Variants in NRG3 observed in about 807,000 individuals in gnomAD.
NRG3 encodes the protein neuregulin 3, also known as pro-neuregulin-3, membrane-bound isoform.
Under a neutral mutation model 66.9 loss-of-function variants are expected in NRG3, and 31 were observed. The ratio of observed to expected loss-of-function variants is 0.46; its 90% CI spans 0.35 to 0.63. The LOEUF (loss-of-function observed/expected upper bound fraction) is 0.63, where lower values mean the gene tolerates loss of function less well. Ranked by LOEUF, NRG3 falls within the 20% of genes least tolerant of loss-of-function variation. The probability of loss-of-function intolerance (pLI) is 0.00; values close to 1 mark genes in which losing one functional copy is unlikely to be tolerated. For missense variants in NRG3, 910 were observed against 878.9 expected (o/e 1.04, Z -0.45); for synonymous variants, 393 against 359.4 (o/e 1.09, Z -1.06).
chr10:82,655,127 A>G (rs887833076), intron 2 of NRG3, among the ~76,000 whole-genome samples: 4 of 151,992 alleles, frequency 2.6e-5, no homozygotes, highest in African/African-American at 2.4e-5. Context: ...TAAATTCCAA[A>G]TGGATCAAGG....
intron 1 of NRG3, among the ~76,000 whole-genome samples, chr10:82,118,025 C>G (rs1300033334): frequency 6.6e-6 from 1 of 152,036 alleles, no homozygotes. Context: ...GCCGGTAGCA[C>G]CAACACAGCC....
Position 82,488,861 on chromosome 10 carries a change from G to GA in NRG3, c.953+130001dup, listed in dbSNP as rs566332374. ...ATACCATAGGGTCTCAAATATTTAG[G>GA]AAAAAAAATGTTTGGATTAAACCTT... On this transcript the variant is annotated intron_variant, in intron 2 of 8. Coordinates refer to ENST00000372141, the MANE Select transcript of NRG3 (RefSeq NM_001010848.4). Among the ~76,000 whole-genome samples, 57 of 151,758 alleles carry GA rather than the reference G, an allele frequency of 3.8e-4. 1 individual carries two copies. In the South Asian group the frequency reaches 0.011, roughly 29 times the overall value.
At chr10:81,877,684 A>G in intron 1 of NRG3, 2 of 1,298,338 alleles carry the variant, frequency 1.5e-6, no homozygotes, top group Non-Finnish European at 1.9e-6. Flanking sequence ...ATAAATTGGG[A>G]GACAGGAAGG....
rs186623500 is a variant in NRG3, at chr10:82,925,925, C to T, written c.1055-25544C>T. Among the ~76,000 whole-genome samples, 178 of 152,340 alleles carry T rather than the reference C, an allele frequency of 1.2e-3. 3 individuals carry two copies. The highest frequency in any genetic ancestry group is 4.0e-3 in the African/African-American group (167 of 41,586). On this transcript the variant is annotated intron_variant, in intron 4 of 8. Transcript: ENST00000372141. ...ACTAGCGATGGCAAGGCAAGCAGGGCAGGCTGCCATGCATTTTAGGGGATT... is the reference window on the plus strand; with the variant it reads ...ACTAGCGATGGCAAGGCAAGCAGGGTAGGCTGCCATGCATTTTAGGGGATT...
chr10:82,499,435 C>T (rs922895823), intron 2 of NRG3, among the ~76,000 whole-genome samples: 2 of 152,080 alleles, frequency 1.3e-5, no homozygotes, highest in Admixed American at 6.6e-5. Flanking sequence ...GCAATCTGCT[C>T]CTTCATTTCT....
intron 1 of NRG3, chr10:81,878,030 T>G: frequency 6.5e-7 from 1 of 1,537,476 alleles, no homozygotes; most frequent in Non-Finnish European, 8.7e-7. Flanking sequence ...GGTAGGGGTA[T>G]TTCATGTTCT....
intron 2 of NRG3, among the ~76,000 whole-genome samples, chr10:82,425,743 T>C (rs570522322): frequency 5.3e-5 from 8 of 152,186 alleles, no homozygotes; most frequent in Non-Finnish European, 1.2e-4. Context: ...GTTTACTGTT[T>C]GTTGTAGTTA....
At chr10:82,782,961 G>A (rs1198576420) in intron 3 of NRG3, among the ~76,000 whole-genome samples, 1 of 152,108 alleles carries the variant, frequency 6.6e-6, no homozygotes, top group African/African-American at 2.4e-5. Flanking sequence ...AATCCTCAAT[G>A]AAATACTGGC....
At chr10:82,198,931 A>G (rs2074603882) in intron 1 of NRG3, among the ~76,000 whole-genome samples, 1 of 147,202 alleles carries the variant, frequency 6.8e-6, no homozygotes, top group African/African-American at 2.5e-5. Flanking sequence ...CGGGAGGCGG[A>G]GGTTGCAGTG....
Position 82,694,561 on chromosome 10 carries a change from A to C in NRG3, c.954-44016A>C, listed in dbSNP as rs140168124. On this transcript the variant is annotated intron_variant, in intron 2 of 8. Coordinates refer to ENST00000372141, the MANE Select transcript of NRG3 (RefSeq NM_001010848.4). ...TTTGAGGCTAGGAGTTTGAGAACAG[A>C]CTGGGAGTATAGTGAAACCCTGTCT... Among the ~76,000 whole-genome samples, 1,273 of 152,082 alleles carry C rather than the reference A, an allele frequency of 8.4e-3. 16 individuals carry two copies. Among genetic ancestry groups the C allele is most frequent in the African/African-American group, 0.028 (1,163 of 41,500 alleles).
At chr10:82,723,498 A>G (rs1027516487) in intron 2 of NRG3, among the ~76,000 whole-genome samples, 4 of 152,232 alleles carry the variant, frequency 2.6e-5, no homozygotes, top group African/African-American at 9.6e-5. Flanking sequence ...AAACAAACAG[A>G]AAATATATTT....
At chr10:82,265,440 T>C (rs2078247973) in intron 1 of NRG3, among the ~76,000 whole-genome samples, 1 of 152,200 alleles carries the variant, frequency 6.6e-6, no homozygotes, top group Non-Finnish European at 1.5e-5. Flanking sequence ...TTATAGTCAA[T>C]GGATTGGAGA....
At chr10:82,398,526 T>TGTGAGAGAGA (rs373924370) in intron 2 of NRG3, among the ~76,000 whole-genome samples, 1,799 of 136,450 alleles carry the variant, frequency 0.013, 18 homozygotes, top group Non-Finnish European at 0.021. Context: ...TGTGTGTGTG[T>TGTGAGAGAGA]GAGAGAGAGA....
chr10:81,949,282 C>A (rs1849118789), intron 1 of NRG3, among the ~76,000 whole-genome samples: 1 of 152,134 alleles, frequency 6.6e-6, no homozygotes, highest in Admixed American at 6.6e-5. Flanking sequence ...ATATGAGAAT[C>A]ATAAGAAATT....
chr10:82,559,120 T>A (rs943799191), intron 2 of NRG3, among the ~76,000 whole-genome samples: 3 of 152,144 alleles, frequency 2.0e-5, no homozygotes, highest in Admixed American at 2.0e-4. Context: ...CCTAACTTAT[T>A]TTCCCCTCTC....
chr10:82,076,563 G>C (rs991864299), intron 1 of NRG3, among the ~76,000 whole-genome samples: 2 of 152,172 alleles, frequency 1.3e-5, no homozygotes, highest in Non-Finnish European at 2.9e-5. Flanking sequence ...TTTGTATCAG[G>C]GGGGTGGGTG....
chr10:82,336,428 A>G (rs922101378), intron 1 of NRG3, among the ~76,000 whole-genome samples: 1 of 152,162 alleles, frequency 6.6e-6, no homozygotes, highest in Non-Finnish European at 1.5e-5. Context: ...CTAGCCTACT[A>G]TCTGTGCTTA....
At chr10:82,418,536 C>T (rs1006223919) in intron 2 of NRG3, among the ~76,000 whole-genome samples, 2 of 151,214 alleles carry the variant, frequency 1.3e-5, no homozygotes, top group Admixed American at 1.3e-4. Flanking sequence ...AGATTAATGT[C>T]CTTGGTGGAA....
rs141329732 is a variant in NRG3, at chr10:81,959,501, C to T, written c.823+83338C>T. Reference sequence around the variant, plus strand: ...TATACTATATTTGCTGGATTGCTTACTGACAATTTGTATCTTATTACAGAT... The same window carrying T: ...TATACTATATTTGCTGGATTGCTTATTGACAATTTGTATCTTATTACAGAT... On this transcript the variant is annotated intron_variant, in intron 1 of 8. Transcript: ENST00000372141. Among the ~76,000 whole-genome samples the T allele has an allele frequency of 7.6e-4, 116 of 152,182 alleles. 7 individuals are homozygous for T. The highest frequency in any genetic ancestry group is 1.3e-4 in the Non-Finnish European group (9 of 68,002).
Sources: gnomAD v4.1 joint callset for allele counts (sites outside exome capture counted in the v4.1 genomes callset) on GRCh38, gnomAD v4.1.1 for gene constraint, MANE v1.5 for transcripts, NCBI Gene and HGNC (gene_info 2026-07-23, HGNC 2026-07-21) for gene names.